Variants in AKR1A1 observed in about 807,000 individuals in gnomAD.
AKR1A1 encodes aldo-keto reductase family 1 member A1, also known as HEL-S-165mP.
Under a neutral mutation model 39.2 loss-of-function variants are expected in AKR1A1, and 26 were observed. That is an observed-to-expected ratio of 0.66 (90% CI 0.49 to 0.92). AKR1A1 has a LOEUF of 0.92. Ranked by LOEUF, AKR1A1 falls within the 40% of genes least tolerant of loss-of-function variation. AKR1A1 has a pLI of 0.00. For missense variants in AKR1A1, 378 were observed against 406.5 expected, an observed-to-expected ratio of 0.93 and a Z score of 0.60; for synonymous variants, 141 against 155.5, an observed-to-expected ratio of 0.91 and a Z score of 0.69.
intron 1 of AKR1A1, among the ~76,000 whole-genome samples, chr1:45,556,320 C>A (rs933335861): frequency 3.9e-5 from 6 of 152,234 alleles, no homozygotes; most frequent in African/African-American, 1.4e-4. Context: ...CGGCGGCTCG[C>A]GCCTGTAATC....
At chr1:45,561,511 C>T (rs979994275) in intron 1 of AKR1A1, among the ~76,000 whole-genome samples, 6 of 152,140 alleles carry the variant, frequency 3.9e-5, no homozygotes, top group Non-Finnish European at 8.8e-5. Context: ...TCAAGTGATT[C>T]TTGTGCCTCA....
At chr1:45,558,260 G>T (rs1644232380) in intron 1 of AKR1A1, among the ~76,000 whole-genome samples, 1 of 148,108 alleles carries the variant, frequency 6.8e-6, no homozygotes, top group African/African-American at 2.5e-5. Context: ...ACAGGGTCTC[G>T]CTCTGTTACC....
At chr1:45,559,032 C>G (rs1401598127) in intron 1 of AKR1A1, among the ~76,000 whole-genome samples, 1 of 152,114 alleles carries the variant, frequency 6.6e-6, no homozygotes, top group Non-Finnish European at 1.5e-5. Context: ...TTGAATAGCT[C>G]CTGTTCAGTT....
At chr1:45,567,887 G>A (rs1644364600) in intron 4 of AKR1A1, 95 bp from the exon 5 acceptor site, 3 of 1,210,998 alleles carry the variant, frequency 2.5e-6, no homozygotes, top group Non-Finnish European at 3.4e-6. Context: ...TGTCCTCTCT[G>A]GGATTGGAGT....
Position 45,569,974 on chromosome 1 carries a change from C to T in AKR1A1, c.*18C>T, listed in dbSNP as rs1227408159. 2 of 1,612,686 alleles carry T rather than the reference C, an allele frequency of 1.2e-6. No individual in the cohort carries two copies. Among genetic ancestry groups the T allele is most frequent in the Admixed American group, 3.3e-5 (2 of 59,996 alleles). ...CGTACTGAGACCACAGCTTCTTGGCCTCCCTTCCAGCTCTGCAGCTAATGA... is the reference window on the plus strand; with the variant it reads ...CGTACTGAGACCACAGCTTCTTGGCTTCCCTTCCAGCTCTGCAGCTAATGA... On this transcript the variant is annotated 3_prime_UTR_variant, in exon 9 of 9. Coordinates refer to ENST00000351829, the MANE Select transcript of AKR1A1 (RefSeq NM_153326.3).
In AKR1A1 at chr1:45,561,799, C is replaced by T. The variant is rs200686941; in HGVS notation, c.5C>T (p.Ala2Val). 4.7e-5 allele frequency: 76 copies of T among 1,613,898 alleles called. No homozygotes were observed. The highest frequency in any genetic ancestry group is 1.8e-4 in the East Asian group (8 of 44,876). Reference protein sequence around the residue: MAASCVLLHTGQ... With the variant: MVASCVLLHTGQ... ...CCATCTGTGTTTCAGGGGGCAATGGCGGCTTCCTGTGTTCTACTGCACACT... is the reference window on the plus strand; with the variant it reads ...CCATCTGTGTTTCAGGGGGCAATGGTGGCTTCCTGTGTTCTACTGCACACT... Residue 2 changes from alanine (A) to valine (V), a missense_variant, in exon 2 of 9, where the codon GCG (alanine) becomes GTG (valine). Physicochemically the swap from Ala to Val is moderately conservative, Grantham distance 64 (BLOSUM62 0). Transcript: ENST00000351829.
chr1:45,569,741 G>A (rs1644390486), intron 8 of AKR1A1, 150 bp from the exon 9 acceptor site: 1 of 672,950 alleles, frequency 1.5e-6, no homozygotes. Context: ...TGATACTGTG[G>A]TGTTCTCTGA....
intron 6 of AKR1A1, 98 bp from the exon 7 acceptor site, chr1:45,568,829 C>G: frequency 6.6e-7 from 1 of 1,524,604 alleles, no homozygotes. Flanking sequence ...TTCAGCAGGG[C>G]TCAGGTGCTC....
chr1:45,554,103 G>A (rs2782489), intron 1 of AKR1A1, among the ~76,000 whole-genome samples: 2,398 of 152,034 alleles, frequency 0.016, 58 homozygotes, highest in African/African-American at 0.052. Context: ...GAAGTTTGAG[G>A]GGGCAACACA....
At chr1:45,569,799 T>G in intron 8 of AKR1A1, 92 bp from the exon 9 acceptor site, 18 of 1,101,002 alleles carry the variant, frequency 1.6e-5, no homozygotes, top group Non-Finnish European at 2.2e-5. Context: ...TGTACACAGG[T>G]GAGTTTGTTT....
chr1:45,565,147 T>G (rs1381787187), intron 2 of AKR1A1, among the ~76,000 whole-genome samples: 1 of 100,734 alleles, frequency 9.9e-6, no homozygotes, highest in Non-Finnish European at 2.0e-5. Context: ...TTTTTTTTTT[T>G]GAGAAGGAGT....
intron 2 of AKR1A1, among the ~76,000 whole-genome samples, chr1:45,563,664 C>T (rs1187336484): frequency 6.6e-6 from 1 of 152,088 alleles, no homozygotes; most frequent in East Asian, 1.9e-4. Flanking sequence ...TGGTGCATGC[C>T]TGTAATCCCA....
chr1:45,556,369 C>T (rs1036450826), intron 1 of AKR1A1, among the ~76,000 whole-genome samples: 4 of 150,958 alleles, frequency 2.6e-5, no homozygotes, highest in African/African-American at 9.8e-5. Flanking sequence ...TGCTTGAGGT[C>T]AGGAGTTTGA....
intron 1 of AKR1A1, among the ~76,000 whole-genome samples, chr1:45,553,479 A>G (rs982962986): frequency 2.0e-5 from 3 of 152,038 alleles, no homozygotes; most frequent in African/African-American, 7.2e-5. Context: ...GTAGATATGG[A>G]TGGACTAGAG....
Position 45,570,044 on chromosome 1 carries a change from C to A in AKR1A1, c.*88C>A. ...GAGGGAGTTAATAAAGCCATTGGAGCATCCATATTGCTTGCTTGTCTTATT... is the reference window on the plus strand; with the variant it reads ...GAGGGAGTTAATAAAGCCATTGGAGAATCCATATTGCTTGCTTGTCTTATT... On this transcript the variant is annotated 3_prime_UTR_variant, in exon 9 of 9. Coordinates refer to ENST00000351829, the MANE Select transcript of AKR1A1 (RefSeq NM_153326.3). 7.6e-7 allele frequency: 1 copy of A among 1,313,016 alleles called. No homozygotes were observed. The allele number at this position is 1,313,016 out of a possible 1,614,324, so 81.3% of individuals were successfully genotyped here. A position where few individuals can be genotyped will look rare whatever the true frequency, so the allele number is the denominator to read the frequency against.
chr1:45,560,949 G>A (rs1249271473), intron 1 of AKR1A1, among the ~76,000 whole-genome samples: 1 of 152,068 alleles, frequency 6.6e-6, no homozygotes, highest in African/African-American at 2.4e-5. Flanking sequence ...GGATGGTCTC[G>A]ATCTCCTGAC....
At chr1:45,564,538 A>G (rs966563436) in intron 2 of AKR1A1, among the ~76,000 whole-genome samples, 6 of 151,916 alleles carry the variant, frequency 3.9e-5, no homozygotes, top group African/African-American at 1.5e-4. Flanking sequence ...TAGCCCACTT[A>G]TCTGCCTCCA....
Position 45,569,138 on chromosome 1 carries a change from C to G in AKR1A1, c.826-5C>G, listed in dbSNP as rs879228532. ...GCTTTCTTGAACCCCACTCTCCATC[C>G]TCAGGTGTTTGACTTCACCTTTAGC... On this transcript the variant is annotated splice_polypyrimidine_tract_variant and splice_region_variant and intron_variant, in intron 7 of 8. Coordinates refer to ENST00000351829, the MANE Select transcript of AKR1A1 (RefSeq NM_153326.3). 6.2e-7 allele frequency: 1 copy of G among 1,613,678 alleles called. No homozygotes were observed. Among genetic ancestry groups the G allele is most frequent in the South Asian group, 1.1e-5 (1 of 91,080 alleles).
intron 1 of AKR1A1, among the ~76,000 whole-genome samples, chr1:45,557,931 A>ATT: frequency 2.9e-5 from 1 of 34,570 alleles, no homozygotes; most frequent in Non-Finnish European, 5.3e-5. Context: ...TTTTTTTGAG[A>ATT]TGGAGCCTCA....
Sources: allele counts gnomAD v4.1 joint callset (sites outside exome capture counted in the v4.1 genomes callset), GRCh38; gene constraint gnomAD v4.1.1; transcripts MANE v1.5; gene names NCBI Gene and HGNC (gene_info 2026-07-23, HGNC 2026-07-21).